The following EYS variants were observed in gnomAD, a reference collection of about 807,000 sequenced individuals.
EYS encodes the protein EGF-like photoreceptor maintenance factor.
A neutral mutation model predicts 282.1 loss-of-function variants in EYS; 250 were observed. The observed-to-expected ratio is 0.89, with a 90% confidence interval of 0.80 to 0.98. The LOEUF (loss-of-function observed/expected upper bound fraction) is 0.98, where lower values mean the gene tolerates loss of function less well. EYS is among the 50% of genes least tolerant of loss of function. EYS has a pLI of 0.00. For synonymous variants in EYS, 1,355 were observed against 1,282.9 expected (o/e 1.06, Z -1.20); for missense variants, 4,016 against 3,709.0 (o/e 1.08, Z -2.15).
intron 33 of EYS, among the ~76,000 whole-genome samples, chr6:64,051,856 A>G (rs1166965856): frequency 1.3e-5 from 2 of 152,154 alleles, no homozygotes; most frequent in Non-Finnish European, 2.9e-5. Context: ...AACACAGGTC[A>G]CAGAGAGGGG....
At chr6:64,263,883 A>T (rs528017804) in intron 30 of EYS, among the ~76,000 whole-genome samples, 3 of 152,296 alleles carry the variant, frequency 2.0e-5, no homozygotes, top group East Asian at 3.9e-4. Flanking sequence ...TAAAAGAACA[A>T]GATAAAGCCT....
At chr6:64,102,692 G>C (rs562371304) in intron 31 of EYS, among the ~76,000 whole-genome samples, 1 of 151,990 alleles carries the variant, frequency 6.6e-6, no homozygotes, top group African/African-American at 2.4e-5. Context: ...TTTACATAAT[G>C]ATTTTTAAAA....
intron 12 of EYS, among the ~76,000 whole-genome samples, chr6:65,241,392 T>G (rs1433229986): frequency 6.6e-6 from 1 of 152,106 alleles, no homozygotes; most frequent in Non-Finnish European, 1.5e-5. Context: ...TTTTATTCTG[T>G]TTCTATTCTG....
intron 31 of EYS, among the ~76,000 whole-genome samples, chr6:64,188,015 G>T (rs1403101775): frequency 6.6e-6 from 1 of 151,960 alleles, no homozygotes; most frequent in Admixed American, 6.6e-5. Context: ...GAGTTGAGAT[G>T]GTAATATTAA....
chr6:65,487,585 A>C lies in EYS; in HGVS notation c.862+3009T>G, dbSNP rs181733555. Among the ~76,000 whole-genome samples the C allele has an allele frequency of 1.0e-3, 158 of 152,160 alleles. 1 individual carries two copies. The highest frequency in any genetic ancestry group is 6.8e-3 in the Middle Eastern group (2 of 294). On this transcript the variant is annotated intron_variant, in intron 5 of 42. Coordinates refer to ENST00000503581, the MANE Select transcript of EYS (RefSeq NM_001142800.2). ...GCTGGATTCTCCTTGCCAGTATTTT[A>C]CTGAGGATTTTTGCGTCAATGTTCA...
intron 12 of EYS, among the ~76,000 whole-genome samples, chr6:65,070,221 T>C (rs1268112545): frequency 1.3e-5 from 2 of 151,924 alleles, no homozygotes; most frequent in Non-Finnish European, 2.9e-5. Context: ...TAATTCATTC[T>C]TCATCCAGCA....
chr6:64,321,666 C>G (rs1466054914), intron 29 of EYS, among the ~76,000 whole-genome samples: 1 of 151,640 alleles, frequency 6.6e-6, no homozygotes, highest in African/African-American at 2.4e-5. Flanking sequence ...AATAATAGAT[C>G]AAGAAAAAGA....
chr6:64,686,482 G>C (rs1050661855), intron 22 of EYS, among the ~76,000 whole-genome samples: 1 of 151,214 alleles, frequency 6.6e-6, no homozygotes, highest in Non-Finnish European at 1.5e-5. Flanking sequence ...TGGCTCACGC[G>C]TGTTATCCCA....
intron 18 of EYS, among the ~76,000 whole-genome samples, chr6:64,887,286 G>T (rs1402499689): frequency 3.1e-5 from 4 of 128,134 alleles, no homozygotes; most frequent in African/African-American, 8.5e-5. Flanking sequence ...GTTGTGGGGT[G>T]GGGGGAGGGG....
intron 39 of EYS, among the ~76,000 whole-genome samples, chr6:63,782,753 A>G (rs1770265190): frequency 6.6e-6 from 1 of 152,018 alleles, no homozygotes; most frequent in East Asian, 1.9e-4. Context: ...TATCTCCTTC[A>G]GTTCTGCTCT....
chr6:65,496,312 C>T (rs1766256386), intron 2 of EYS, among the ~76,000 whole-genome samples: 1 of 151,894 alleles, frequency 6.6e-6, no homozygotes, highest in Non-Finnish European at 1.5e-5. Context: ...GGGGTCAGCC[C>T]ATCAATTCTG....
intron 35 of EYS, among the ~76,000 whole-genome samples, chr6:63,925,081 C>T (rs1357509507): frequency 6.6e-6 from 1 of 152,128 alleles, no homozygotes; most frequent in Non-Finnish European, 1.5e-5. Context: ...CATCTTTGGG[C>T]AACTTAATCT....
intron 31 of EYS, among the ~76,000 whole-genome samples, chr6:64,226,177 G>A (rs111875455): frequency 0.029 from 4,366 of 152,020 alleles, 67 homozygotes; most frequent in African/African-American, 0.048. Context: ...AAATAAATTC[G>A]GACTACTCTT....
At chr6:63,891,075 C>T (rs937668483) in intron 35 of EYS, among the ~76,000 whole-genome samples, 3 of 152,152 alleles carry the variant, frequency 2.0e-5, no homozygotes, top group Non-Finnish European at 4.4e-5. Flanking sequence ...ATAACAAGTT[C>T]TGAAACTGAG....
chr6:64,266,765 A>G (rs1259949354), intron 30 of EYS, among the ~76,000 whole-genome samples: 1 of 152,136 alleles, frequency 6.6e-6, no homozygotes, highest in Non-Finnish European at 1.5e-5. Context: ...ATTACTCTCT[A>G]GGGGACATGG....
At chr6:65,180,999 G>T (rs1031404727) in intron 12 of EYS, among the ~76,000 whole-genome samples, 7 of 152,138 alleles carry the variant, frequency 4.6e-5, no homozygotes, top group Non-Finnish European at 1.0e-4. Context: ...AAACTGGCTA[G>T]CCATATGTAG....
At chr6:65,207,138 A>G (rs919122279) in intron 12 of EYS, among the ~76,000 whole-genome samples, 8 of 151,738 alleles carry the variant, frequency 5.3e-5, no homozygotes, top group Admixed American at 5.3e-4. Flanking sequence ...AATAACTCCA[A>G]AGTAGTACTA....
intron 1 of EYS, among the ~76,000 whole-genome samples, chr6:65,693,141 G>A (rs769120078): frequency 6.0e-5 from 9 of 149,464 alleles, no homozygotes; most frequent in Non-Finnish European, 7.4e-5. Context: ...AGATTTCATC[G>A]CTTCCTTCCT....
chr6:64,033,997 T>A (rs1769993685), intron 33 of EYS, among the ~76,000 whole-genome samples: 2 of 152,210 alleles, frequency 1.3e-5, no homozygotes, highest in African/African-American at 4.8e-5. Context: ...TCAGGAGCAC[T>A]GATTTAATTA....
Sources: gnomAD v4.1 joint callset for allele counts (sites outside exome capture counted in the v4.1 genomes callset) on GRCh38, gnomAD v4.1.1 for gene constraint, MANE v1.5 for transcripts, NCBI Gene and HGNC (gene_info 2026-07-23, HGNC 2026-07-21) for gene names.